The following ASTN2 variants were observed in gnomAD, a reference collection of about 807,000 sequenced individuals.
The protein encoded by ASTN2 is astrotactin 2.
A neutral mutation model predicts 139.8 loss-of-function variants in ASTN2; 54 were observed. That is an observed-to-expected ratio of 0.39 (90% CI 0.31 to 0.48). ASTN2 has a LOEUF of 0.48. ASTN2 is among the 20% of genes least tolerant of loss of function. The pLI is 0.95. For missense variants in ASTN2, 1,565 were observed against 1,725.1 expected, an observed-to-expected ratio of 0.91 and a Z score of 1.64; for synonymous variants, 756 against 719.5, an observed-to-expected ratio of 1.05 and a Z score of -0.81.
chr9:117,033,306 T>A (rs1292261254), intron 6 of ASTN2, among the ~76,000 whole-genome samples: 1 of 152,136 alleles, frequency 6.6e-6, no homozygotes, highest in Non-Finnish European at 1.5e-5. Flanking sequence ...GGGGAACTCA[T>A]TACCCTGCAA....
At chr9:117,412,721 G>A (rs1428963110) in intron 1 of ASTN2, among the ~76,000 whole-genome samples, 2 of 152,242 alleles carry the variant, frequency 1.3e-5, no homozygotes, top group East Asian at 1.9e-4. Flanking sequence ...AGAGTACCCC[G>A]GAGTAGAGAG....
intron 4 of ASTN2, among the ~76,000 whole-genome samples, chr9:117,109,886 CT>C (rs1360503286): frequency 1.3e-5 from 2 of 152,092 alleles, no homozygotes; most frequent in African/African-American, 4.8e-5. Context: ...TTTCTGTCAT[CT>C]TTTAGTTTCC....
chr9:117,042,848 TTTG>T (rs1052797410), intron 5 of ASTN2, among the ~76,000 whole-genome samples: 6 of 151,662 alleles, frequency 4.0e-5, no homozygotes, highest in Admixed American at 3.3e-4. Flanking sequence ...ACTGGAGTTT[TTTG>T]TTGTTGTTGT....
chr9:116,958,506 A>G (rs1256282256), intron 10 of ASTN2, among the ~76,000 whole-genome samples: 1 of 152,062 alleles, frequency 6.6e-6, no homozygotes, highest in African/African-American at 2.4e-5. Context: ...GAAGAATGGC[A>G]TGAACCCGGG....
At chr9:116,790,986 A>AGAAAAGAAAGAAG (rs1830527436) in intron 13 of ASTN2, among the ~76,000 whole-genome samples, 1 of 98,188 alleles carries the variant, frequency 1.0e-5, no homozygotes, top group African/African-American at 3.6e-5. Context: ...AAAGAAAGAA[A>AGAAAAGAAAGAAG]GAAAGAAAGA....
intron 1 of ASTN2, among the ~76,000 whole-genome samples, chr9:117,409,277 T>C (rs2130977624): frequency 6.6e-6 from 1 of 152,260 alleles, no homozygotes; most frequent in East Asian, 1.9e-4. Flanking sequence ...TTTATAAGGA[T>C]TTTTTCCTCC....
At chr9:117,339,102 C>A (rs1490335546) in intron 1 of ASTN2, among the ~76,000 whole-genome samples, 3 of 152,088 alleles carry the variant, frequency 2.0e-5, no homozygotes, top group Non-Finnish European at 2.9e-5. Context: ...ATGGGCACAG[C>A]AGGATTTAGG....
intron 6 of ASTN2, among the ~76,000 whole-genome samples, chr9:117,011,803 C>T (rs112737294): frequency 0.027 from 4,173 of 152,246 alleles, 187 homozygotes; most frequent in African/African-American, 0.096. Flanking sequence ...CAGTAAGTGG[C>T]CAAAGTGGAA....
chr9:116,443,195 T>G (rs1240158816), intron 20 of ASTN2, among the ~76,000 whole-genome samples: 2 of 152,192 alleles, frequency 1.3e-5, no homozygotes, highest in Non-Finnish European at 2.9e-5. Flanking sequence ...CTTCAGGACC[T>G]AAGACCTGAA....
intron 2 of ASTN2, among the ~76,000 whole-genome samples, chr9:117,263,850 C>A (rs893884415): frequency 6.6e-6 from 1 of 152,076 alleles, no homozygotes; most frequent in African/African-American, 2.4e-5. Flanking sequence ...ATCCTGTCCT[C>A]GGTGGGACAC....
intron 1 of ASTN2, among the ~76,000 whole-genome samples, chr9:117,338,973 GGGGACA>G (rs1265775121): frequency 6.6e-6 from 1 of 152,026 alleles, no homozygotes; most frequent in Non-Finnish European, 1.5e-5. Context: ...CAGTTATCTA[GGGGACA>G]GGTAGACACT....
intron 1 of ASTN2, among the ~76,000 whole-genome samples, chr9:117,365,313 A>AAGAGAAAGAAAG (rs1310816841): frequency 6.8e-6 from 1 of 148,062 alleles, no homozygotes; most frequent in African/African-American, 2.6e-5. Flanking sequence ...GAAAGAAAGA[A>AAGAGAAAGAAAG]AAAGAAAGAA....
At chr9:116,654,338 C>T (rs1255608750) in intron 16 of ASTN2, among the ~76,000 whole-genome samples, 1 of 152,188 alleles carries the variant, frequency 6.6e-6, no homozygotes, top group African/African-American at 2.4e-5. Flanking sequence ...AACTAACTTA[C>T]CCTTTACAGA....
intron 1 of ASTN2, among the ~76,000 whole-genome samples, chr9:117,347,192 G>T (rs1294594743): frequency 6.6e-6 from 1 of 152,088 alleles, no homozygotes; most frequent in Non-Finnish European, 1.5e-5. Flanking sequence ...CCAAAATCAT[G>T]AAGAGGTTGG....
chr9:116,962,203 G>T lies in ASTN2; in HGVS notation c.1889+13005C>A, dbSNP rs547152112. 3.9e-5 allele frequency among the ~76,000 whole-genome samples: 6 copies of T among 152,302 alleles called. No homozygotes were observed. The South Asian group carries it at 1.0e-3, about 26-fold the overall frequency. On this transcript the variant is annotated intron_variant, in intron 10 of 22. Transcript: ENST00000313400. ...GGAAATGTTATAGTTCTACTCACCTGGGACTTGTTCTCTTTCTGGAATATC... is the reference window on the plus strand; with the variant it reads ...GGAAATGTTATAGTTCTACTCACCTTGGACTTGTTCTCTTTCTGGAATATC...
chr9:117,106,061 T>C (rs530150620), intron 4 of ASTN2, among the ~76,000 whole-genome samples: 2 of 152,140 alleles, frequency 1.3e-5, no homozygotes, highest in East Asian at 3.9e-4. Context: ...GTATCTGAGG[T>C]TGGTCAGGTA....
chr9:117,338,780 CA>C (rs963336835), intron 1 of ASTN2, among the ~76,000 whole-genome samples: 24 of 150,992 alleles, frequency 1.6e-4, no homozygotes, highest in African/African-American at 5.1e-4. Context: ...TCTTTAATAG[CA>C]AAAAAATGCA....
chr9:116,614,644 T>C (rs935123040), intron 19 of ASTN2, among the ~76,000 whole-genome samples: 5 of 152,130 alleles, frequency 3.3e-5, no homozygotes, highest in African/African-American at 1.2e-4. Flanking sequence ...ATTTAATAAA[T>C]GGTGCTGGGA....
chr9:117,379,400 A>G (rs2130925696), intron 1 of ASTN2, among the ~76,000 whole-genome samples: 1 of 152,238 alleles, frequency 6.6e-6, no homozygotes, highest in Admixed American at 6.5e-5. Flanking sequence ...CCCCAGGTTT[A>G]TGTAGAAGAG....
Sources: gnomAD v4.1 joint callset for allele counts (sites outside exome capture counted in the v4.1 genomes callset) on GRCh38, gnomAD v4.1.1 for gene constraint, MANE v1.5 for transcripts, NCBI Gene and HGNC (gene_info 2026-07-23, HGNC 2026-07-21) for gene names.